PKHD1: variants seen among roughly 807,000 people sequenced by gnomAD.
The protein encoded by PKHD1 is fibrocystin.
A neutral mutation model predicts 412.0 loss-of-function variants in PKHD1; 291 were observed. The observed-to-expected ratio is 0.71, with a 90% CI of 0.64 to 0.78. The LOEUF is 0.78. PKHD1 is among the 30% of genes least tolerant of loss of function. The probability of loss-of-function intolerance (pLI) is 0.00; values close to 1 mark genes in which losing one functional copy is unlikely to be tolerated. For synonymous variants in PKHD1, 1,777 were observed against 1,821.5 expected (o/e 0.98, Z 0.62); for missense variants, 4,825 against 4,950.7 (o/e 0.97, Z 0.76).
At chr6:51,719,701 T>A (rs115507141) in intron 60 of PKHD1, among the ~76,000 whole-genome samples, 120 of 152,336 alleles carry the variant, frequency 7.9e-4, no homozygotes, top group African/African-American at 2.8e-3. Flanking sequence ...TTTTCCAATC[T>A]ATAATTTGAC....
intron 60 of PKHD1, among the ~76,000 whole-genome samples, chr6:51,661,042 A>G (rs963363845): frequency 4.7e-4 from 72 of 152,256 alleles, no homozygotes; most frequent in Non-Finnish European, 8.2e-4. Flanking sequence ...CTCATTAGAA[A>G]AAAAAGATAT....
chr6:51,962,827 A>C (rs1792272649), intron 35 of PKHD1, among the ~76,000 whole-genome samples: 1 of 151,978 alleles, frequency 6.6e-6, no homozygotes, highest in African/African-American at 2.4e-5. Flanking sequence ...TCATTCCTTC[A>C]TTCCTTCTCC....
intron 5 of PKHD1, among the ~76,000 whole-genome samples, chr6:52,078,351 G>T (rs1375614920): frequency 6.6e-6 from 1 of 152,128 alleles, no homozygotes; most frequent in Non-Finnish European, 1.5e-5. Context: ...GCCCCAGTGT[G>T]GTCAGTAGAA....
chr6:52,066,256 C>G (rs2128224438), intron 11 of PKHD1, among the ~76,000 whole-genome samples, 179 bp from the exon 12 acceptor site: 1 of 151,956 alleles, frequency 6.6e-6, no homozygotes, highest in Non-Finnish European at 1.5e-5. Flanking sequence ...AGAAAAAGAC[C>G]AGAAGTATAT....
intron 60 of PKHD1, among the ~76,000 whole-genome samples, chr6:51,673,216 G>A (rs147779437): frequency 1.2e-4 from 19 of 152,270 alleles, no homozygotes; most frequent in East Asian, 7.7e-4. Context: ...GTCAGCTTCC[G>A]TGTTTTCCCT....
At chr6:51,994,285 C>G (rs1194658422) in intron 35 of PKHD1, among the ~76,000 whole-genome samples, 3 of 152,142 alleles carry the variant, frequency 2.0e-5, no homozygotes, top group African/African-American at 7.2e-5. Context: ...CAGGCGCCTG[C>G]CACCGCGCCC....
chr6:51,853,539 CCT>C (rs1003878547), intron 49 of PKHD1, among the ~76,000 whole-genome samples: 3 of 152,140 alleles, frequency 2.0e-5, no homozygotes, highest in African/African-American at 7.2e-5. Flanking sequence ...TTCCATTCTC[CCT>C]GTCTCCTTCT....
At chr6:51,786,046 T>A (rs1317708492) in intron 53 of PKHD1, among the ~76,000 whole-genome samples, 1 of 152,208 alleles carries the variant, frequency 6.6e-6, no homozygotes, top group Non-Finnish European at 1.5e-5. Flanking sequence ...TTTACTTTTT[T>A]AAAAACTCTA....
At chr6:51,979,893 A>G (rs1794923485) in intron 35 of PKHD1, among the ~76,000 whole-genome samples, 1 of 151,912 alleles carries the variant, frequency 6.6e-6, no homozygotes, top group Admixed American at 6.6e-5. Flanking sequence ...TCCATTTAAA[A>G]TCTCTCCAGA....
intron 60 of PKHD1, among the ~76,000 whole-genome samples, chr6:51,698,564 T>C (rs967751135): frequency 2.0e-5 from 3 of 152,142 alleles, no homozygotes; most frequent in Admixed American, 1.3e-4. Flanking sequence ...TGATCTAGGA[T>C]GGTAATTCCC....
chr6:51,961,357 G>C (rs183097384), intron 35 of PKHD1, among the ~76,000 whole-genome samples: 1 of 152,074 alleles, frequency 6.6e-6, no homozygotes, highest in Non-Finnish European at 1.5e-5. Flanking sequence ...CAATTTATTC[G>C]TTTTCTACAT....
intron 35 of PKHD1, among the ~76,000 whole-genome samples, chr6:52,009,245 CCA>C (rs1334369280): frequency 6.6e-6 from 1 of 152,102 alleles, no homozygotes; most frequent in Non-Finnish European, 1.5e-5. Flanking sequence ...CCTGCAGAGG[CCA>C]CAGAGTGGAC....
rs147533177 is a variant in PKHD1 at position 52,075,729 on chromosome 6, G to A, written c.448+547C>T. On this transcript the variant is annotated intron_variant, in intron 6 of 66. Transcript: ENST00000371117. The stretch of plus-strand genomic sequence containing the variant: ...GCTGCTCAAAATATGACAGAATGGT[G>A]GATATATGGGCCACTCTGGATTCTG... Among the ~76,000 whole-genome samples, 14 of 152,302 alleles carry A rather than the reference G, an allele frequency of 9.2e-5. No homozygotes were observed. The East Asian group carries it at 1.4e-3, about 15-fold the overall frequency.
intron 38 of PKHD1, among the ~76,000 whole-genome samples, 171 bp from the exon 39 acceptor site, chr6:51,912,127 T>A (rs987308738): frequency 6.6e-6 from 1 of 152,124 alleles, no homozygotes; most frequent in African/African-American, 2.4e-5. Context: ...TTAGAAACTA[T>A]GCTGATCATT....
intron 60 of PKHD1, among the ~76,000 whole-genome samples, chr6:51,729,751 AAAT>A (rs1454930481): frequency 4.6e-5 from 7 of 152,202 alleles, no homozygotes; most frequent in Middle Eastern, 3.2e-3. Context: ...ATGATTGGGA[AAAT>A]AATAATAATT....
chr6:51,906,482 C>T (rs1364971683), intron 40 of PKHD1, 142 bp from the exon 41 acceptor site: 2 of 686,310 alleles, frequency 2.9e-6, no homozygotes, highest in African/African-American at 1.8e-5. Context: ...AAGCAGCAAT[C>T]GAATCAAGAG....
rs1413819266 is a variant in PKHD1, at chr6:51,616,524, C to T, written c.*2557G>A. ...TTGCTTTTGGTGTTTCCCTAATTCTCTCATTTTTTTTTTTTTTTAGGAGAA... is the reference window on the plus strand; with the variant it reads ...TTGCTTTTGGTGTTTCCCTAATTCTTTCATTTTTTTTTTTTTTTAGGAGAA... On this transcript the variant is annotated 3_prime_UTR_variant, in exon 67 of 67. Transcript: ENST00000371117. 4 of 389,614 alleles carry T rather than the reference C, an allele frequency of 1.0e-5. No homozygotes were observed. Among genetic ancestry groups the T allele is most frequent in the African/African-American group, 8.5e-5 (4 of 47,186 alleles). 24.1% of individuals were successfully genotyped at this position (389,614 alleles called of 1,614,324 possible). A position where few individuals can be genotyped will look rare whatever the true frequency, so the allele number is the denominator to read the frequency against.
chr6:51,630,400 G>T (rs1767780912), intron 65 of PKHD1, among the ~76,000 whole-genome samples: 2 of 152,148 alleles, frequency 1.3e-5, no homozygotes, highest in African/African-American at 2.4e-5. Flanking sequence ...AAAGAGGTTT[G>T]TAAGAATGCC....
At chr6:52,006,053 AAC>A (rs1799004127) in intron 35 of PKHD1, among the ~76,000 whole-genome samples, 1 of 151,072 alleles carries the variant, frequency 6.6e-6, no homozygotes, top group Non-Finnish European at 1.5e-5. Context: ...TTAGCTTACA[AAC>A]ACATCAGGAC....
Sources: gnomAD v4.1 joint callset for allele counts (sites outside exome capture counted in the v4.1 genomes callset) on GRCh38, gnomAD v4.1.1 for gene constraint, MANE v1.5 for transcripts, NCBI Gene and HGNC (gene_info 2026-07-23, HGNC 2026-07-21) for gene names.